DMD: variants seen among roughly 807,000 people sequenced by gnomAD.
The protein encoded by DMD is dystrophin.
In DMD, 63 loss-of-function variants were observed where a neutral mutation model predicts 330.1. The observed-to-expected ratio is 0.19, with a 90% CI of 0.16 to 0.24. The LOEUF is 0.24. Among genes scored for constraint, DMD ranks in the 10% least tolerant of loss-of-function variants. The pLI is 1.00. For missense variants in DMD, 3,344 were observed against 2,684.1 expected, an observed-to-expected ratio of 1.25 and a Z score of -5.43; for synonymous variants, 1,223 against 959.8, an observed-to-expected ratio of 1.27 and a Z score of -5.07.
At chrX:32,550,383 T>A in intron 16 of DMD, among the ~76,000 whole-genome samples, 1 of 111,652 alleles carries the variant, frequency 9.0e-6, no homozygotes, top group African/African-American at 3.3e-5. Flanking sequence ...TGCTCCTGAA[T>A]GACCTCTGGG....
rs1046871139 is a variant in DMD at position 32,385,507 on chromosome X, T to A, written c.4674+803A>T. Among the ~76,000 whole-genome samples the A allele has an allele frequency of 6.3e-5, 7 of 110,770 alleles. No homozygotes were observed. In the South Asian group the frequency reaches 1.9e-3, roughly 30 times the overall value. ...GGCAAACATTTTTTTTGGATCTGACTCCCAAAGCACAGGCAACAAGAGGAA... is the reference window on the plus strand; with the variant it reads ...GGCAAACATTTTTTTTGGATCTGACACCCAAAGCACAGGCAACAAGAGGAA... On this transcript the variant is annotated intron_variant, in intron 33 of 78. Transcript: ENST00000357033.
At chrX:31,766,407 C>T (rs945806175) in intron 51 of DMD, among the ~76,000 whole-genome samples, 4 of 111,422 alleles carry the variant, frequency 3.6e-5, no homozygotes, top group East Asian at 2.8e-4. Context: ...TACAGGCATG[C>T]GCCACCACGC....
intron 55 of DMD, among the ~76,000 whole-genome samples, chrX:31,544,109 G>A (rs2074005125): frequency 9.0e-6 from 1 of 111,083 alleles, no homozygotes; most frequent in African/African-American, 3.3e-5. Context: ...CGGACCACGA[G>A]GTCAGGAGTT....
chrX:33,098,340 A>G (rs912827383), intron 1 of DMD, among the ~76,000 whole-genome samples: 3 of 112,018 alleles, frequency 2.7e-5, no homozygotes, highest in Admixed American at 1.9e-4. Context: ...TATACTGAAT[A>G]ATATTGGTTA....
At chrX:33,070,598 CCTT>C (rs1322653490) in intron 1 of DMD, among the ~76,000 whole-genome samples, 1 of 99,217 alleles carries the variant, frequency 1.0e-5, no homozygotes, top group Non-Finnish European at 2.0e-5. Context: ...AAATCTAGTT[CCTT>C]CTTCCTGGAT....
chrX:31,748,204 A>C (rs1170043062), intron 51 of DMD, among the ~76,000 whole-genome samples: 1 of 112,027 alleles, frequency 8.9e-6, no homozygotes, highest in African/African-American at 3.2e-5. Flanking sequence ...CTTCAATCCA[A>C]ACTACAAAAC....
intron 12 of DMD, among the ~76,000 whole-genome samples, chrX:32,601,044 A>AT (rs2056149545): frequency 9.0e-6 from 1 of 111,057 alleles, no homozygotes; most frequent in Non-Finnish European, 1.9e-5. Context: ...GTGGTAGGTA[A>AT]TTTATTTTTT....
At chrX:32,607,865 G>A (rs944241150) in intron 12 of DMD, among the ~76,000 whole-genome samples, 2 of 109,923 alleles carry the variant, frequency 1.8e-5, no homozygotes, top group African/African-American at 3.3e-5. Context: ...TACTGGTTCA[G>A]AGAGAGAGAG....
At chrX:32,586,298 A>G (rs1159765082) in intron 13 of DMD, among the ~76,000 whole-genome samples, 1 of 109,624 alleles carries the variant, frequency 9.1e-6, no homozygotes, top group Non-Finnish European at 1.9e-5. Flanking sequence ...TACTAATGCA[A>G]TCGAGTGTGA....
chrX:31,816,616 T>C (rs901369052), intron 50 of DMD, among the ~76,000 whole-genome samples: 2 of 109,581 alleles, frequency 1.8e-5, no homozygotes, highest in African/African-American at 6.7e-5. Context: ...CTGATCAACA[T>C]GGAGCAACCC....
chrX:31,555,240 A>G (rs2074738213), intron 55 of DMD, among the ~76,000 whole-genome samples: 1 of 111,650 alleles, frequency 9.0e-6, no homozygotes, highest in Admixed American at 9.6e-5. Context: ...ATTTCAAGCA[A>G]CTAACTTGAT....
intron 7 of DMD, among the ~76,000 whole-genome samples, chrX:32,788,972 C>CA (rs2075620850): frequency 9.0e-6 from 1 of 111,522 alleles, no homozygotes; most frequent in South Asian, 3.7e-4. Flanking sequence ...ATGAGAGAGG[C>CA]AGGCAAAAGA....
intron 55 of DMD, among the ~76,000 whole-genome samples, chrX:31,547,063 A>C (rs2074182176): frequency 1.8e-5 from 2 of 112,636 alleles, no homozygotes; most frequent in African/African-American, 6.4e-5. Context: ...ATATTTTTAC[A>C]CTAAAATTTT....
intron 56 of DMD, among the ~76,000 whole-genome samples, chrX:31,504,571 T>C (rs1026959978): frequency 5.4e-5 from 6 of 111,517 alleles, no homozygotes; most frequent in African/African-American, 1.6e-4. Flanking sequence ...ATAACCCCCA[T>C]GGAAGAAGTG....
intron 55 of DMD, among the ~76,000 whole-genome samples, chrX:31,620,014 C>T (rs1232707403): frequency 8.9e-6 from 1 of 112,150 alleles, no homozygotes; most frequent in Non-Finnish European, 1.9e-5. Flanking sequence ...CATTGACTCC[C>T]TTTTCTAAAC....
At chrX:32,469,456 G>GTA (rs1193715448) in intron 22 of DMD, among the ~76,000 whole-genome samples, 1 of 110,700 alleles carries the variant, frequency 9.0e-6, no homozygotes, top group East Asian at 2.8e-4. Context: ...ATATGATCAT[G>GTA]TATGCACATA....
chrX:31,514,417 T>C (rs1397966666), intron 55 of DMD, among the ~76,000 whole-genome samples: 1 of 111,446 alleles, frequency 9.0e-6, no homozygotes, highest in Non-Finnish European at 1.9e-5. Flanking sequence ...ACTTCCTTCT[T>C]ATCTGAGTCT....
rs758009716 is a variant in DMD at position 32,598,015 on chromosome X, A to G, written c.1483-2139T>C. On this transcript the variant is annotated intron_variant, in intron 12 of 78. Transcript: ENST00000357033. ...GCACCTATCAGTCTAGCTCTTAGGT[A>G]TTCAAACTCTATGGCAGGTGGAAGG... 2.7e-5 allele frequency among the ~76,000 whole-genome samples: 3 copies of G among 112,320 alleles called. No individual in the cohort carries two copies. The South Asian group carries it at 1.1e-3, about 41-fold the overall frequency.
intron 6 of DMD, among the ~76,000 whole-genome samples, chrX:32,810,787 G>A (rs894067302): frequency 2.7e-5 from 3 of 111,403 alleles, no homozygotes; most frequent in Non-Finnish European, 5.6e-5. Context: ...TCAAATCTCT[G>A]CTTTAGGGGA....
Sources: allele counts gnomAD v4.1 joint callset (sites outside exome capture counted in the v4.1 genomes callset), GRCh38; gene constraint gnomAD v4.1.1; transcripts MANE v1.5; gene names NCBI Gene and HGNC (gene_info 2026-07-23, HGNC 2026-07-21).